EYS: variants seen among roughly 807,000 people sequenced by gnomAD.
EYS encodes EGF-like photoreceptor maintenance factor, also known as protein eyes shut homolog.
A neutral mutation model predicts 282.1 loss-of-function variants in EYS; 250 were observed. The ratio of observed to expected loss-of-function variants is 0.89; its 90% CI spans 0.80 to 0.98. The LOEUF is 0.98. Ranked by LOEUF, EYS falls within the 50% of genes least tolerant of loss-of-function variation. The probability of loss-of-function intolerance (pLI) is 0.00; values close to 1 mark genes in which losing one functional copy is unlikely to be tolerated. For synonymous variants in EYS, 1,355 were observed against 1,282.9 expected (o/e 1.06, Z -1.20); for missense variants, 4,016 against 3,709.0 (o/e 1.08, Z -2.15).
intron 31 of EYS, among the ~76,000 whole-genome samples, chr6:64,125,556 C>A (rs1039349415): frequency 2.6e-5 from 4 of 151,736 alleles, no homozygotes; most frequent in Admixed American, 2.0e-4. Context: ...GAGGCTGAGG[C>A]GGGCGGATCG....
At chr6:65,466,048 G>A (rs1764987641) in intron 5 of EYS, among the ~76,000 whole-genome samples, 1 of 152,010 alleles carries the variant, frequency 6.6e-6, no homozygotes, top group African/African-American at 2.4e-5. Flanking sequence ...AAGAAGAAAT[G>A]TTAATGGGAC....
At chr6:64,518,130 T>G (rs2150523658) in intron 26 of EYS, among the ~76,000 whole-genome samples, 1 of 151,996 alleles carries the variant, frequency 6.6e-6, no homozygotes, top group Admixed American at 6.6e-5. Flanking sequence ...CTTAAAAACA[T>G]TATCCAAATT....
chr6:64,779,221 C>A (rs1050830497), intron 22 of EYS, among the ~76,000 whole-genome samples: 6 of 151,994 alleles, frequency 3.9e-5, no homozygotes, highest in Non-Finnish European at 7.4e-5. Context: ...TTTCTAATTG[C>A]CAAAACTTGG....
intron 24 of EYS, among the ~76,000 whole-genome samples, chr6:64,598,409 C>T (rs924649913): frequency 8.5e-5 from 13 of 152,156 alleles, no homozygotes; most frequent in Non-Finnish European, 1.5e-4. Context: ...TGCAGTGAGC[C>T]AAGATTGCGC....
Position 65,550,143 on chromosome 6 carries a change from CTTTTTTTTTTTTTTTTTTTTT to C in EYS, c.-332-54171_-332-54151del, listed in dbSNP as rs1048251073. Among the ~76,000 whole-genome samples the C allele has an allele frequency of 5.0e-4, 3 of 5,956 alleles. 1 individual carries two copies. Among genetic ancestry groups the C allele is most frequent in the Non-Finnish European group, 7.4e-4 (3 of 4,066 alleles). The allele number at this position is 5,956 out of a possible 152,430, so 3.9% of individuals were successfully genotyped here. A position where few individuals can be genotyped will look rare whatever the true frequency, so the allele number is the denominator to read the frequency against. On this transcript the variant is annotated intron_variant, in intron 2 of 42. Coordinates refer to ENST00000503581, the MANE Select transcript of EYS (RefSeq NM_001142800.2). ...AAGTTAGTATCTGACTCTACTATAT[CTTTTTTTTTTTTTTTTTTTTT>C]TTTTTTTTTTTTTTTTTTTTTGGGG...
intron 26 of EYS, among the ~76,000 whole-genome samples, chr6:64,524,355 A>T (rs945468000): frequency 2.3e-4 from 35 of 151,702 alleles, no homozygotes; most frequent in Non-Finnish European, 4.3e-4. Flanking sequence ...ATTTGTTTAA[A>T]TTCCTTATAG....
chr6:65,432,451 C>A (rs994091315), intron 5 of EYS, among the ~76,000 whole-genome samples: 13 of 151,622 alleles, frequency 8.6e-5, no homozygotes, highest in Non-Finnish European at 1.3e-4. Context: ...ACGAGTATTA[C>A]GAAAAAAATG....
chr6:63,959,576 A>T (rs2149773722), intron 35 of EYS, among the ~76,000 whole-genome samples: 2 of 152,354 alleles, frequency 1.3e-5, no homozygotes, highest in Middle Eastern at 3.4e-3. Context: ...TGTTTATTAC[A>T]GCACTATTTA....
chr6:65,349,898 T>C (rs552538146), intron 9 of EYS, among the ~76,000 whole-genome samples: 2 of 151,684 alleles, frequency 1.3e-5, no homozygotes, highest in South Asian at 4.1e-4. Context: ...GTTTTCTCCA[T>C]GTAGAAGTTG....
At chr6:65,593,687 T>C (rs1266168131) in intron 2 of EYS, among the ~76,000 whole-genome samples, 1 of 151,982 alleles carries the variant, frequency 6.6e-6, no homozygotes, top group Non-Finnish European at 1.5e-5. Context: ...AGCAAATTCA[T>C]GTATTTCCCA....
At position 64,591,734 on chromosome 6, in the gene EYS, G is replaced by T; in HGVS notation, c.4133C>A (p.Ala1378Asp). Residue 1378 changes from alanine (A) to aspartate (D), a missense_variant, in exon 26 of 43, where the codon GCC (alanine) becomes GAC (aspartate). Transcript: ENST00000503581. ...ATCAGGAAAAAAGAAACCTAGTGTGGCTGCTGAAGTTCGAATAGGCATATG... is the reference window on the plus strand; with the variant it reads ...ATCAGGAAAAAAGAAACCTAGTGTGTCTGCTGAAGTTCGAATAGGCATATG... ...VSHMPIRTSA[A>D]TLGFFFPDRR... is the part of the protein sequence containing the mutation. The T allele has an allele frequency of 6.4e-7, 1 of 1,551,366 alleles. No homozygotes were observed. The highest frequency in any genetic ancestry group is 8.7e-7 in the Non-Finnish European group (1 of 1,146,776).
chr6:64,765,373 A>C (rs549675455), intron 22 of EYS, among the ~76,000 whole-genome samples: 6 of 152,300 alleles, frequency 3.9e-5, no homozygotes, highest in Admixed American at 2.6e-4. Context: ...AGACTCTAGG[A>C]AGTTACAAGC....
At chr6:64,363,385 C>T (rs926679937) in intron 29 of EYS, among the ~76,000 whole-genome samples, 4 of 151,876 alleles carry the variant, frequency 2.6e-5, no homozygotes, top group Non-Finnish European at 5.9e-5. Flanking sequence ...TGATGTTAAG[C>T]TGAGAGGCAT....
chr6:64,299,562 T>C (rs1167317340), intron 30 of EYS, among the ~76,000 whole-genome samples: 4 of 152,302 alleles, frequency 2.6e-5, no homozygotes, highest in Middle Eastern at 3.4e-3. Flanking sequence ...CAGTAAGTCA[T>C]TGGTGCCTGC....
chr6:64,452,273 A>G (rs1373029395), intron 26 of EYS, among the ~76,000 whole-genome samples: 1 of 152,066 alleles, frequency 6.6e-6, no homozygotes, highest in Non-Finnish European at 1.5e-5. Context: ...TTCAAAGAGA[A>G]TAAAATACCT....
At chr6:64,482,505 T>G (rs554417533) in intron 26 of EYS, among the ~76,000 whole-genome samples, 1 of 151,858 alleles carries the variant, frequency 6.6e-6, no homozygotes, top group African/African-American at 2.4e-5. Flanking sequence ...AAGTTCTATG[T>G]GCCTCAGTTT....
intron 30 of EYS, among the ~76,000 whole-genome samples, chr6:64,249,180 A>G (rs1415570862): frequency 6.6e-6 from 1 of 152,138 alleles, no homozygotes; most frequent in Non-Finnish European, 1.5e-5. Flanking sequence ...TGGACAAAGA[A>G]AATACAGTAT....
chr6:65,135,968 T>G (rs1459070318), intron 12 of EYS, among the ~76,000 whole-genome samples: 1 of 152,120 alleles, frequency 6.6e-6, no homozygotes, highest in Non-Finnish European at 1.5e-5. Context: ...AAATCTATTT[T>G]TGAATCTTTT....
At chr6:64,640,328 A>G (rs1768089488) in intron 22 of EYS, among the ~76,000 whole-genome samples, 3 of 151,712 alleles carry the variant, frequency 2.0e-5, no homozygotes, top group Admixed American at 6.6e-5. Context: ...CCAAATGTCC[A>G]ACAATGATAG....
Sources: allele counts gnomAD v4.1 joint callset (sites outside exome capture counted in the v4.1 genomes callset), GRCh38; gene constraint gnomAD v4.1.1; transcripts MANE v1.5; gene names NCBI Gene and HGNC (gene_info 2026-07-23, HGNC 2026-07-21).